CCDC110: variants seen among roughly 807,000 people sequenced by gnomAD.
The protein encoded by CCDC110 is coiled-coil domain containing 110, also known as coiled-coil domain-containing protein 110.
CCDC110 carries 70 observed loss-of-function variants against 77.1 expected under a neutral mutation model. The observed-to-expected ratio is 0.91, with a 90% CI of 0.75 to 1.11. CCDC110 has a LOEUF of 1.11. Ranked by LOEUF, CCDC110 falls within the 50% of genes least tolerant of loss-of-function variation. The pLI is 0.00. For missense variants in CCDC110, 868 were observed against 942.9 expected (o/e 0.92, Z 1.04); for synonymous variants, 295 against 312.5 (o/e 0.94, Z 0.59).
intron 4 of CCDC110, 128 bp downstream of exon 4, chr4:185,462,515 G>T: frequency 1.4e-6 from 1 of 690,814 alleles, no homozygotes; most frequent in Non-Finnish European, 2.5e-6. Flanking sequence ...TTTGAGCCTA[G>T]AATATGCTGT....
intron 6 of CCDC110, among the ~76,000 whole-genome samples, chr4:185,447,188 T>C (rs1422883997): frequency 1.4e-3 from 39 of 28,096 alleles, no homozygotes; most frequent in African/African-American, 1.8e-3. Context: ...TATTTTTTCT[T>C]TTTTTTTTTT....
At chr4:185,453,070 T>G (rs780955603) in intron 6 of CCDC110, among the ~76,000 whole-genome samples, 18 of 152,074 alleles carry the variant, frequency 1.2e-4, no homozygotes, top group Non-Finnish European at 2.5e-4. Flanking sequence ...ATAAAAAATA[T>G]ATATCGGTCT....
chr4:185,447,027 A>G lies in CCDC110; in HGVS notation c.2462-1485T>C, dbSNP rs6841360. Among the ~76,000 whole-genome samples, 769 of 152,062 alleles carry G rather than the reference A, an allele frequency of 5.1e-3. 9 individuals are homozygous for G. Among genetic ancestry groups the G allele is most frequent in the African/African-American group, 0.018 (747 of 41,470 alleles). On this transcript the variant is annotated intron_variant, in intron 6 of 6. Transcript: ENST00000307588. ...TTGTTCATTCTGCCTTCTATCTTCT[A>G]TCATCTCTTCTCTAAAGTCTGCTAA...
At chr4:185,453,543 C>CTTTTTTTTTTTTTTTT (rs70962570) in intron 6 of CCDC110, among the ~76,000 whole-genome samples, 1 of 130,948 alleles carries the variant, frequency 7.6e-6, no homozygotes, top group African/African-American at 2.8e-5. Context: ...CACAGTCTTG[C>CTTTTTTTTTTTTTTTT]TTTTTTTTTT....
intron 1 of CCDC110, 33 bp downstream of exon 1, chr4:185,471,641 T>TC: frequency 6.4e-7 from 1 of 1,551,990 alleles, no homozygotes; most frequent in Non-Finnish European, 8.7e-7. Context: ...TTCCCGCGGC[T>TC]CCCCTAGGAG....
chr4:185,467,604 C>T (rs1171371846), intron 2 of CCDC110, among the ~76,000 whole-genome samples: 1 of 152,138 alleles, frequency 6.6e-6, no homozygotes, highest in Non-Finnish European at 1.5e-5. Flanking sequence ...AATTTTCCAG[C>T]TGCTTCATAT....
In CCDC110 at chr4:185,471,101, G is replaced by T. The variant is rs191745146; in HGVS notation, c.11-52C>A. ...CTGTCGCGGGTCGTGGCGTGGCGGG[G>T]CTGAAGGTGGGGGCGGGGCAGAGGG... On this transcript the variant is annotated intron_variant, in intron 1 of 6. Coordinates refer to ENST00000307588, the MANE Select transcript of CCDC110 (RefSeq NM_152775.4). 2.5e-3 allele frequency: 1,983 copies of T among 785,878 alleles called. 36 individuals carry two copies. In the East Asian group the frequency reaches 0.033, roughly 13 times the overall value. 48.7% of individuals were successfully genotyped at this position (785,878 alleles called of 1,614,324 possible).
chr4:185,464,426 CGGATCTTGCTGTCT>C (rs2095651895), intron 2 of CCDC110, among the ~76,000 whole-genome samples: 3 of 151,954 alleles, frequency 2.0e-5, no homozygotes, highest in South Asian at 2.1e-4. Flanking sequence ...AGTCAGAGGG[CGGATCTTGCTGTCT>C]GGATCTTGCT....
At chr4:185,460,541 G>A (rs1349434032) in intron 5 of CCDC110, among the ~76,000 whole-genome samples, 1 of 152,178 alleles carries the variant, frequency 6.6e-6, no homozygotes, top group East Asian at 1.9e-4. Flanking sequence ...TCATAGGTAG[G>A]TGGGAAAGAT....
In CCDC110 at chr4:185,445,218, T is replaced by C; in HGVS notation, c.*284A>G. The C allele has an allele frequency of 8.4e-7, 1 of 1,192,842 alleles. No homozygotes were observed. Among genetic ancestry groups the C allele is most frequent in the Non-Finnish European group, 1.2e-6 (1 of 858,640 alleles). The allele number at this position is 1,192,842 out of a possible 1,614,324, so 73.9% of individuals were successfully genotyped here. A position where few individuals can be genotyped will look rare whatever the true frequency, so the allele number is the denominator to read the frequency against. On this transcript the variant is annotated 3_prime_UTR_variant, in exon 7 of 7. Transcript: ENST00000307588. The stretch of plus-strand genomic sequence containing the variant: ...TTCAAAATAGTATCTTTTATTTATA[T>C]ATACTTTTTTAAATGACAAATGTGG...
chr4:185,445,484 T>C lies in CCDC110; in HGVS notation c.*18A>G. The C allele has an allele frequency of 6.4e-7, 1 of 1,553,664 alleles. No individual in the cohort carries two copies. On this transcript the variant is annotated 3_prime_UTR_variant, in exon 7 of 7. Coordinates refer to ENST00000307588, the MANE Select transcript of CCDC110 (RefSeq NM_152775.4). Reference sequence around the variant, plus strand: ...TGGCTATTTCTCGAAGGGAGTTTCTTAGCAATCTTGAGGAATCCTAATGAT... The same window carrying C: ...TGGCTATTTCTCGAAGGGAGTTTCTCAGCAATCTTGAGGAATCCTAATGAT...
chr4:185,445,546 T>C lies in CCDC110; in HGVS notation c.2462-4A>G, dbSNP rs1029832484. On this transcript the variant is annotated splice_polypyrimidine_tract_variant and splice_region_variant and intron_variant, in intron 6 of 6. Coordinates refer to ENST00000307588, the MANE Select transcript of CCDC110 (RefSeq NM_152775.4). The stretch of plus-strand genomic sequence containing the variant: ...CTGTCTTTAACTTTGAAATAACCTA[T>C]GAAAATAGAAAATATTCTGGTTAAT... The C allele has an allele frequency of 2.6e-6, 4 of 1,526,776 alleles. No individual in the cohort carries two copies. The highest frequency in any genetic ancestry group is 3.6e-5 in the Admixed American group (2 of 56,310). 94.6% of individuals were successfully genotyped at this position (1,526,776 alleles called of 1,614,324 possible). A position where few individuals can be genotyped will look rare whatever the true frequency, so the allele number is the denominator to read the frequency against.
chr4:185,462,947 G>T, intron 3 of CCDC110, 47 bp downstream of exon 3: 1 of 1,457,546 alleles, frequency 6.9e-7, no homozygotes, highest in Non-Finnish European at 9.6e-7. Flanking sequence ...AAAAAGATCA[G>T]CCTTTACCCA....
rs949970783 is a variant in CCDC110 at position 185,458,498 on chromosome 4, T to C, written c.2089A>G (p.Ile697Val). The C allele has an allele frequency of 8.1e-6, 13 of 1,604,998 alleles. No homozygotes were observed. In the African/African-American group the frequency reaches 1.6e-4, roughly 20 times the overall value. ...ASIYKNSLSE[I>V]GKECEMLSKM... ...GATAACATTTCACATTCCTTGCCAATTTCTGACAAGCTATTCTTATAAATA... is the reference window on the plus strand; with the variant it reads ...GATAACATTTCACATTCCTTGCCAACTTCTGACAAGCTATTCTTATAAATA... The change falls in exon 6 of 7, where the codon ATT becomes GTT. Residue 697 changes from isoleucine (I) to valine (V), a missense_variant. Physicochemically the swap from Ile to Val is conservative, Grantham distance 29 (BLOSUM62 3). Coordinates refer to ENST00000307588, the MANE Select transcript of CCDC110 (RefSeq NM_152775.4).
intron 6 of CCDC110, among the ~76,000 whole-genome samples, chr4:185,445,945 G>A (rs1441873525): frequency 6.6e-6 from 1 of 152,056 alleles, no homozygotes; most frequent in Non-Finnish European, 1.5e-5. Context: ...AGGTTCAAGC[G>A]ATTCTCCTGC....
intron 2 of CCDC110, among the ~76,000 whole-genome samples, chr4:185,466,668 C>G (rs1411348090): frequency 6.6e-6 from 1 of 152,000 alleles, no homozygotes; most frequent in Non-Finnish European, 1.5e-5. Context: ...CTCCAAGGCT[C>G]AAGCGATCCT....
rs533265258 is a variant in CCDC110, at chr4:185,468,469, TC to T, written c.115+2475del. 8.5e-5 allele frequency among the ~76,000 whole-genome samples: 13 copies of T among 152,214 alleles called. No homozygotes were observed. The East Asian group carries it at 2.3e-3, about 27-fold the overall frequency. ...TGCTTCTCAATTTTCTCAGAATAAA[TC>T]CCAAATTCATCCATGGAACTACAAA... On this transcript the variant is annotated intron_variant, in intron 2 of 6. Transcript: ENST00000307588. This position sits in a 1 kb window ranked among gnomAD's most constrained non-coding sequence, Gnocchi z 4.5.
intron 2 of CCDC110, 131 bp from the exon 3 acceptor site, chr4:185,463,180 C>G (rs903939376): frequency 6.2e-6 from 4 of 647,638 alleles, no homozygotes; most frequent in Admixed American, 5.5e-5. Flanking sequence ...GATATTCACA[C>G]TATGCTAGTC....
rs368684414 is a variant in CCDC110 at position 185,460,084 on chromosome 4, T to C, written c.503A>G (p.Asp168Gly). 1 of 1,613,860 alleles carries C rather than the reference T, an allele frequency of 6.2e-7. No individual in the cohort carries two copies. The highest frequency in any genetic ancestry group is 1.3e-5 in the African/African-American group (1 of 75,042). The change falls in exon 6 of 7, where the codon GAC (aspartate) becomes GGC (glycine). Residue 168 changes from aspartate (D) to glycine (G), a missense_variant. Transcript: ENST00000307588. Reference sequence around the variant, plus strand: ...TGTTGAAGTTCTCAGAGTTAATGTGTCCTCGGAATGTATCTGGGATGGAAC... The same window carrying C: ...TGTTGAAGTTCTCAGAGTTAATGTGCCCTCGGAATGTATCTGGGATGGAAC... The part of the protein sequence containing the change: ...VNVPSQIHSE[D>G]TLTLRTSTDN...
Sources: gnomAD v4.1 joint callset for allele counts (sites outside exome capture counted in the v4.1 genomes callset) on GRCh38, gnomAD v4.1.1 for gene constraint, Gnocchi (gnomAD v3.1) non-coding constraint, MANE v1.5 for transcripts, NCBI Gene and HGNC (gene_info 2026-07-23, HGNC 2026-07-21) for gene names.